PLXDC2: variants seen among roughly 807,000 people sequenced by gnomAD.
PLXDC2 encodes the protein plexin domain containing 2.
In PLXDC2, 40 loss-of-function variants were observed where a neutral mutation model predicts 68.9. That is an observed-to-expected ratio of 0.58 (90% CI 0.45 to 0.76). The LOEUF (loss-of-function observed/expected upper bound fraction) is 0.76. Among genes scored for constraint, PLXDC2 ranks in the 30% least tolerant of loss-of-function variants. The pLI is 0.00. For missense variants in PLXDC2, 644 were observed against 661.9 expected (o/e 0.97, Z 0.30); for synonymous variants, 243 against 234.2 (o/e 1.04, Z -0.34).
chr10:19,844,759 C>A (rs1347330820), intron 1 of PLXDC2, among the ~76,000 whole-genome samples: 1 of 151,972 alleles, frequency 6.6e-6, no homozygotes, highest in African/African-American at 2.4e-5. Context: ...CTACACCTGG[C>A]TAATATTTTC....
intron 4 of PLXDC2, among the ~76,000 whole-genome samples, chr10:20,111,452 A>G (rs1269900897): frequency 1.3e-5 from 2 of 152,200 alleles, no homozygotes; most frequent in Non-Finnish European, 2.9e-5. Flanking sequence ...TTATCTTGTG[A>G]TTCAGAAAAA....
chr10:19,929,482 C>T (rs1038759995), intron 1 of PLXDC2, among the ~76,000 whole-genome samples: 1 of 152,116 alleles, frequency 6.6e-6, no homozygotes. Context: ...GAAATTTGTC[C>T]ACACCTTTTA....
At chr10:19,897,497 G>A (rs544251824) in intron 1 of PLXDC2, among the ~76,000 whole-genome samples, 23 of 151,982 alleles carry the variant, frequency 1.5e-4, no homozygotes, top group South Asian at 2.1e-4. Context: ...CACCTGCCTC[G>A]GCCTCCCAAA....
chr10:20,126,312 TTATATAATATATACATATAC>T (rs1833777353), intron 4 of PLXDC2, among the ~76,000 whole-genome samples: 2 of 123,082 alleles, frequency 1.6e-5, no homozygotes, highest in African/African-American at 5.2e-5. Context: ...TACACATACG[TTATATAATATATACATATAC>T]GTTATATAAT....
intron 7 of PLXDC2, among the ~76,000 whole-genome samples, chr10:20,172,215 C>A (rs1333336731): frequency 7.3e-6 from 1 of 137,356 alleles, no homozygotes; most frequent in African/African-American, 2.8e-5. Context: ...AAGTCACAGT[C>A]TCCTTTGTGA....
intron 9 of PLXDC2, among the ~76,000 whole-genome samples, chr10:20,183,461 C>A (rs1350096203): frequency 1.3e-5 from 2 of 151,814 alleles, no homozygotes; most frequent in African/African-American, 2.4e-5. Context: ...ATGTGAGAAA[C>A]AACAATATTT....
chr10:20,031,677 A>G (rs568583824), intron 2 of PLXDC2, among the ~76,000 whole-genome samples: 1 of 152,272 alleles, frequency 6.6e-6, no homozygotes, highest in African/African-American at 2.4e-5. Flanking sequence ...ACAAAGCCAA[A>G]TAAATTAGCC....
At chr10:19,902,974 A>G (rs1189060500) in intron 1 of PLXDC2, among the ~76,000 whole-genome samples, 1 of 152,146 alleles carries the variant, frequency 6.6e-6, no homozygotes, top group Non-Finnish European at 1.5e-5. Context: ...GCTGTATCAC[A>G]TTTATTGACT....
At chr10:20,206,554 G>C (rs1412370198) in intron 9 of PLXDC2, among the ~76,000 whole-genome samples, 1 of 152,110 alleles carries the variant, frequency 6.6e-6, no homozygotes, top group African/African-American at 2.4e-5. Context: ...GCTGTGCTTA[G>C]AGCAAAAGGA....
chr10:20,267,695 G>A (rs1260040831), intron 13 of PLXDC2, among the ~76,000 whole-genome samples: 5 of 152,030 alleles, frequency 3.3e-5, no homozygotes, highest in South Asian at 4.1e-4. Context: ...AAGGGAAAAA[G>A]AACAAATGAC....
chr10:20,171,292 TC>T (rs1417432215), intron 7 of PLXDC2, among the ~76,000 whole-genome samples: 1 of 152,120 alleles, frequency 6.6e-6, no homozygotes, highest in Admixed American at 6.5e-5. Flanking sequence ...AATCGACAGA[TC>T]TCCAGTAAAT....
rs538559014 is a variant in PLXDC2, at chr10:19,940,101, G to A, written c.113-61674G>A. On this transcript the variant is annotated intron_variant, in intron 1 of 13. Coordinates refer to ENST00000377252, the MANE Select transcript of PLXDC2 (RefSeq NM_032812.9). ...ATATAGTCATGCGAAAGAATCTCAAGACTAGAGGGTCTTATCATTGGGCAA... is the reference window on the plus strand; with the variant it reads ...ATATAGTCATGCGAAAGAATCTCAAAACTAGAGGGTCTTATCATTGGGCAA... Among the ~76,000 whole-genome samples, 3 of 151,878 alleles carry A rather than the reference G, an allele frequency of 2.0e-5. No individual in the cohort carries two copies. The South Asian group carries it at 6.2e-4, about 31-fold the overall frequency.
rs376804799 is a variant in PLXDC2, at chr10:19,865,748, G to A, written c.112+48557G>A. Among the ~76,000 whole-genome samples the A allele has an allele frequency of 5.9e-5, 9 of 152,232 alleles. No individual in the cohort carries two copies. The East Asian group carries it at 1.2e-3, about 20-fold the overall frequency. ...AATTTAGAAAGAACAAACCATTAAT[G>A]TAGTAGTAAGCATAAAGTTGGTTTT... On this transcript the variant is annotated intron_variant, in intron 1 of 13. Transcript: ENST00000377252.
At chr10:20,063,890 A>G (rs1836149243) in intron 3 of PLXDC2, among the ~76,000 whole-genome samples, 1 of 152,156 alleles carries the variant, frequency 6.6e-6, no homozygotes, top group African/African-American at 2.4e-5. Context: ...TTTATTTTCT[A>G]CCATATGAAG....
intron 2 of PLXDC2, among the ~76,000 whole-genome samples, chr10:20,010,529 A>G (rs1457934193): frequency 6.6e-6 from 1 of 152,208 alleles, no homozygotes; most frequent in African/African-American, 2.4e-5. Flanking sequence ...ACAAAAATGG[A>G]AAAAATCCAT....
intron 3 of PLXDC2, among the ~76,000 whole-genome samples, chr10:20,050,267 C>T: frequency 6.6e-6 from 1 of 151,992 alleles, no homozygotes; most frequent in East Asian, 1.9e-4. Context: ...CCCTGGAAGA[C>T]AACCTAGGCA....
At chr10:20,201,013 A>G (rs976062866) in intron 9 of PLXDC2, among the ~76,000 whole-genome samples, 11 of 152,112 alleles carry the variant, frequency 7.2e-5, no homozygotes, top group Admixed American at 3.3e-4. Context: ...TGATCTAGCA[A>G]TCCCACTACT....
At chr10:19,932,246 G>A (rs1833649041) in intron 1 of PLXDC2, among the ~76,000 whole-genome samples, 1 of 152,110 alleles carries the variant, frequency 6.6e-6, no homozygotes, top group Admixed American at 6.5e-5. Context: ...TTCTTCCAAA[G>A]GGTCTATTTT....
At chr10:20,240,711 CAAAAAA>C (rs202138349) in intron 12 of PLXDC2, among the ~76,000 whole-genome samples, 2 of 100,024 alleles carry the variant, frequency 2.0e-5, no homozygotes, top group African/African-American at 3.8e-5. Flanking sequence ...TTGCAGTAGC[CAAAAAA>C]AAAAAAAAAA....
Sources: gnomAD v4.1 joint callset for allele counts (sites outside exome capture counted in the v4.1 genomes callset) on GRCh38, gnomAD v4.1.1 for gene constraint, MANE v1.5 for transcripts, NCBI Gene and HGNC (gene_info 2026-07-23, HGNC 2026-07-21) for gene names.